ROBO1: variants seen among roughly 807,000 people sequenced by gnomAD.
ROBO1 encodes the protein roundabout guidance receptor 1.
Under a neutral mutation model 195.9 loss-of-function variants are expected in ROBO1, and 149 were observed. The observed-to-expected ratio is 0.76, with a 90% confidence interval of 0.67 to 0.87. ROBO1 has a LOEUF of 0.87. Among genes scored for constraint, ROBO1 ranks in the 40% least tolerant of loss-of-function variants. The pLI is 0.00. For missense variants in ROBO1, 1,933 were observed against 2,068.3 expected (o/e 0.93, Z 1.27); for synonymous variants, 816 against 733.2 (o/e 1.11, Z -1.82).
Position 79,603,470 on chromosome 3 carries a change from C to G in ROBO1, c.-50-13509G>C, listed in dbSNP as rs528043851. 4.6e-5 allele frequency among the ~76,000 whole-genome samples: 7 copies of G among 152,028 alleles called. No homozygotes were observed. In the South Asian group the frequency reaches 1.2e-3, roughly 27 times the overall value. ...TGTGACTCTGCTTAGTGAGTGGTATCCTCTATCCTGAGATGTGAGTATATG... is the reference window on the plus strand; with the variant it reads ...TGTGACTCTGCTTAGTGAGTGGTATGCTCTATCCTGAGATGTGAGTATATG... On this transcript the variant is annotated intron_variant, in intron 1 of 30. Coordinates refer to ENST00000464233, the MANE Select transcript of ROBO1 (RefSeq NM_002941.4).
intron 2 of ROBO1, among the ~76,000 whole-genome samples, chr3:79,395,709 C>T (rs1189294615): frequency 6.6e-6 from 1 of 151,934 alleles, no homozygotes; most frequent in Non-Finnish European, 1.5e-5. Context: ...ATTTTCCCAC[C>T]TAAATTTTTC....
chr3:79,234,333 A>G (rs1165505119), intron 2 of ROBO1, among the ~76,000 whole-genome samples: 2 of 152,084 alleles, frequency 1.3e-5, no homozygotes, highest in Non-Finnish European at 2.9e-5. Flanking sequence ...TTACATTTAA[A>G]TCGTTAAGCC....
At chr3:79,525,435 C>T (rs1034619920) in intron 2 of ROBO1, among the ~76,000 whole-genome samples, 4 of 148,970 alleles carry the variant, frequency 2.7e-5, no homozygotes, top group Admixed American at 2.0e-4. Flanking sequence ...TGATATTAAT[C>T]TCTTATGTAT....
intron 5 of ROBO1, among the ~76,000 whole-genome samples, chr3:78,736,532 A>G (rs2082396447): frequency 6.6e-6 from 1 of 152,126 alleles, no homozygotes; most frequent in Non-Finnish European, 1.5e-5. Context: ...AAGTGGGTAG[A>G]AGAACAGAAC....
intron 1 of ROBO1, among the ~76,000 whole-genome samples, chr3:79,754,589 C>T (rs1262510192): frequency 1.3e-5 from 2 of 152,136 alleles, no homozygotes; most frequent in Non-Finnish European, 2.9e-5. Flanking sequence ...TGTCTATGTT[C>T]CCACTCTATC....
intron 2 of ROBO1, among the ~76,000 whole-genome samples, chr3:79,137,925 G>T (rs952396365): frequency 1.3e-5 from 2 of 151,932 alleles, no homozygotes; most frequent in Non-Finnish European, 2.9e-5. Context: ...CTATTTCTGA[G>T]GTCCATTAAG....
chr3:79,642,506 G>C (rs995589419), intron 1 of ROBO1, among the ~76,000 whole-genome samples: 1 of 152,080 alleles, frequency 6.6e-6, no homozygotes, highest in Non-Finnish European at 1.5e-5. Context: ...ACAAAGAGGG[G>C]CTTTTAAGAG....
chr3:79,708,723 A>G (rs970581586), intron 1 of ROBO1, among the ~76,000 whole-genome samples: 5 of 152,042 alleles, frequency 3.3e-5, no homozygotes, highest in African/African-American at 9.7e-5. Flanking sequence ...GAATTAGCCA[A>G]CCATGGTGTT....
intron 2 of ROBO1, among the ~76,000 whole-genome samples, chr3:79,429,225 C>G (rs767305549): frequency 1.3e-5 from 2 of 152,162 alleles, no homozygotes; most frequent in Non-Finnish European, 2.9e-5. Context: ...CATACATACA[C>G]TCCTTTGAAC....
chr3:78,787,855 G>A (rs1432246076), intron 4 of ROBO1, among the ~76,000 whole-genome samples: 1 of 150,058 alleles, frequency 6.7e-6, no homozygotes, highest in Non-Finnish European at 1.5e-5. Context: ...AGGATCACTT[G>A]AGCAGTGAGC....
intron 3 of ROBO1, among the ~76,000 whole-genome samples, chr3:78,993,558 C>T (rs2077285839): frequency 6.6e-6 from 1 of 152,128 alleles, no homozygotes; most frequent in Admixed American, 6.6e-5. Flanking sequence ...ACACTGTTGA[C>T]ACAAGGCTAA....
chr3:78,785,303 C>G (rs1233582183), intron 4 of ROBO1, among the ~76,000 whole-genome samples: 1 of 152,106 alleles, frequency 6.6e-6, no homozygotes, highest in Non-Finnish European at 1.5e-5. Context: ...TGTACTTATT[C>G]CCTTTCATTT....
intron 2 of ROBO1, among the ~76,000 whole-genome samples, chr3:79,472,231 C>T (rs1393769748): frequency 6.6e-6 from 1 of 152,088 alleles, no homozygotes; most frequent in African/African-American, 2.4e-5. Context: ...CTCCCTCCAA[C>T]TTCATGGGCA....
chr3:78,917,306 A>G (rs1045326948), intron 4 of ROBO1, among the ~76,000 whole-genome samples: 9 of 152,014 alleles, frequency 5.9e-5, no homozygotes, highest in Admixed American at 1.3e-4. Context: ...CATGTTGTCC[A>G]GGATGGTCTC....
chr3:79,399,957 CT>C (rs1465805995), intron 2 of ROBO1, among the ~76,000 whole-genome samples: 1 of 152,106 alleles, frequency 6.6e-6, no homozygotes, highest in African/African-American at 2.4e-5. Context: ...ACACTAGACC[CT>C]TGTGTAGCAA....
intron 8 of ROBO1, among the ~76,000 whole-genome samples, chr3:78,708,555 C>T (rs1275855995): frequency 2.6e-5 from 4 of 151,864 alleles, no homozygotes; most frequent in East Asian, 3.9e-4. Flanking sequence ...AACCTGAAGG[C>T]CCACCTTGTA....
intron 1 of ROBO1, among the ~76,000 whole-genome samples, chr3:79,695,783 A>G (rs1418940975): frequency 6.6e-6 from 1 of 151,536 alleles, no homozygotes; most frequent in East Asian, 1.9e-4. Flanking sequence ...TTTACTGCTA[A>G]ATGTAGAATC....
At chr3:78,690,151 T>C (rs2081139985) in intron 8 of ROBO1, among the ~76,000 whole-genome samples, 1 of 150,998 alleles carries the variant, frequency 6.6e-6, no homozygotes. Flanking sequence ...AAAACATGTA[T>C]ATATTTCAAA....
At chr3:79,008,555 C>T (rs2077682635) in intron 3 of ROBO1, among the ~76,000 whole-genome samples, 1 of 151,162 alleles carries the variant, frequency 6.6e-6, no homozygotes, top group Non-Finnish European at 1.5e-5. Flanking sequence ...GTAACATATA[C>T]ATGTATATTA....
Sources: allele counts gnomAD v4.1 joint callset (sites outside exome capture counted in the v4.1 genomes callset), GRCh38; gene constraint gnomAD v4.1.1; transcripts MANE v1.5; gene names NCBI Gene and HGNC (gene_info 2026-07-23, HGNC 2026-07-21).